Variants in MAD1L1 observed in about 807,000 individuals in gnomAD.
The protein encoded by MAD1L1 is mitotic arrest deficient 1 like 1, also known as mitotic spindle assembly checkpoint protein MAD1.
MAD1L1 carries 95 observed loss-of-function variants against 96.9 expected under a neutral mutation model. The observed-to-expected ratio is 0.98, with a 90% CI of 0.83 to 1.16. The LOEUF (loss-of-function observed/expected upper bound fraction) is 1.16. Ranked by LOEUF, MAD1L1 falls within the 50% of genes most tolerant of loss-of-function variation. MAD1L1 has a pLI of 0.00. For missense variants in MAD1L1, 1,007 were observed against 954.4 expected (o/e 1.06, Z -0.73); for synonymous variants, 473 against 396.6 (o/e 1.19, Z -2.29).
intron 10 of MAD1L1, among the ~76,000 whole-genome samples, chr7:2,195,103 G>T (rs1469793104): frequency 6.7e-6 from 1 of 148,346 alleles, no homozygotes; most frequent in East Asian, 2.0e-4. Context: ...AAAAAAAAAA[G>T]TATTTGAATC....
intron 15 of MAD1L1, among the ~76,000 whole-genome samples, chr7:1,963,708 T>C (rs1470076925): frequency 2.0e-5 from 3 of 152,172 alleles, no homozygotes; most frequent in Admixed American, 6.5e-5. Flanking sequence ...GTCTCTGTCA[T>C]CCCAGCAGAC....
At chr7:1,868,091 G>A (rs529931002) in intron 18 of MAD1L1, among the ~76,000 whole-genome samples, 22 of 152,202 alleles carry the variant, frequency 1.4e-4, no homozygotes, top group Middle Eastern at 3.4e-3. Flanking sequence ...TGCCGTGCCC[G>A]CTCAGAGTGG....
At chr7:1,895,783 C>T (rs1786827351) in intron 18 of MAD1L1, among the ~76,000 whole-genome samples, 1 of 152,256 alleles carries the variant, frequency 6.6e-6, no homozygotes, top group South Asian at 2.1e-4. Flanking sequence ...TGACCCAGCA[C>T]ATCCAGCCCT....
intron 18 of MAD1L1, among the ~76,000 whole-genome samples, chr7:1,822,442 A>ATATATATATATATATATATATATATATT (rs768089526): frequency 1.4e-5 from 2 of 140,588 alleles, no homozygotes; most frequent in African/African-American, 5.2e-5. Context: ...ATATATATAT[A>ATATATATATATATATATATATATATATT]TTTTTTTTTT....
chr7:1,844,640 C>G (rs1783488001), intron 18 of MAD1L1, among the ~76,000 whole-genome samples: 1 of 151,984 alleles, frequency 6.6e-6, no homozygotes, highest in Non-Finnish European at 1.5e-5. Context: ...GACCATCCCC[C>G]CAAAGCTGGG....
intron 13 of MAD1L1, among the ~76,000 whole-genome samples, chr7:2,009,590 C>T (rs1782198372): frequency 6.6e-6 from 1 of 152,208 alleles, no homozygotes; most frequent in Non-Finnish European, 1.5e-5. Flanking sequence ...AGGCTGTACA[C>T]AGAAGCTCTC....
chr7:1,978,864 C>G (rs1178934293), intron 15 of MAD1L1, among the ~76,000 whole-genome samples: 1 of 152,232 alleles, frequency 6.6e-6, no homozygotes, highest in African/African-American at 2.4e-5. Flanking sequence ...ACGGCACACA[C>G]TCAGTATCTG....
intron 10 of MAD1L1, among the ~76,000 whole-genome samples, chr7:2,195,310 G>C (rs1791930307): frequency 6.6e-6 from 1 of 152,176 alleles, no homozygotes; most frequent in South Asian, 2.1e-4. Flanking sequence ...AATAAAAAGT[G>C]AGCTTTGATT....
intron 10 of MAD1L1, among the ~76,000 whole-genome samples, chr7:2,181,152 T>C (rs944507508): frequency 2.0e-5 from 3 of 152,270 alleles, no homozygotes; most frequent in African/African-American, 7.2e-5. Flanking sequence ...AGTTTCTTTT[T>C]ATTGATATTC....
intron 18 of MAD1L1, among the ~76,000 whole-genome samples, chr7:1,859,256 C>T (rs1784405196): frequency 6.6e-6 from 1 of 152,212 alleles, no homozygotes; most frequent in African/African-American, 2.4e-5. Context: ...GGGTGCGCAG[C>T]AGCTGTGATG....
intron 11 of MAD1L1, among the ~76,000 whole-genome samples, chr7:2,148,799 C>T (rs568187089): frequency 6.7e-4 from 102 of 152,242 alleles, no homozygotes; most frequent in African/African-American, 2.4e-3. Flanking sequence ...CGCTAGTGAC[C>T]GACGGGCTGG....
intron 18 of MAD1L1, among the ~76,000 whole-genome samples, chr7:1,875,786 T>C (rs2128660221): frequency 6.6e-6 from 1 of 152,362 alleles, no homozygotes; most frequent in East Asian, 1.9e-4. Flanking sequence ...GGCTGAACTG[T>C]GTCCCCCAAA....
chr7:1,836,459 G>A (rs987858592), intron 18 of MAD1L1, among the ~76,000 whole-genome samples: 5 of 152,138 alleles, frequency 3.3e-5, no homozygotes, highest in Admixed American at 6.5e-5. Context: ...GACTACGAAC[G>A]CCTAACCTTC....
At chr7:1,907,517 G>T (rs1250102470) in intron 17 of MAD1L1, among the ~76,000 whole-genome samples, 2 of 152,276 alleles carry the variant, frequency 1.3e-5, no homozygotes, top group Non-Finnish European at 1.5e-5. Context: ...GCCAAGCCAG[G>T]AGGACAATCC....
At chr7:2,148,849 CAAG>C (rs1296884988) in intron 11 of MAD1L1, among the ~76,000 whole-genome samples, 2 of 152,192 alleles carry the variant, frequency 1.3e-5, no homozygotes, top group Non-Finnish European at 2.9e-5. Flanking sequence ...GCTGGGAAGA[CAAG>C]AACCCTCCTG....
intron 17 of MAD1L1, among the ~76,000 whole-genome samples, chr7:1,930,620 G>A (rs982894344): frequency 2.1e-4 from 30 of 141,496 alleles, no homozygotes; most frequent in Non-Finnish European, 3.2e-4. Flanking sequence ...CCCTTGCTTC[G>A]TCCCACCGTC....
chr7:2,128,418 G>T (rs1267996567), intron 11 of MAD1L1, among the ~76,000 whole-genome samples: 1 of 152,102 alleles, frequency 6.6e-6, no homozygotes, highest in Non-Finnish European at 1.5e-5. Context: ...CAGAGTTCAT[G>T]AAACACTCGC....
chr7:2,123,500 G>A (rs906736416), intron 11 of MAD1L1, among the ~76,000 whole-genome samples: 11 of 152,198 alleles, frequency 7.2e-5, no homozygotes, highest in African/African-American at 2.2e-4. Context: ...CTCTGTTTGC[G>A]CTTGAGCTGG....
chr7:1,943,168 T>C (rs1313392949), intron 16 of MAD1L1, among the ~76,000 whole-genome samples: 1 of 152,114 alleles, frequency 6.6e-6, no homozygotes, highest in Non-Finnish European at 1.5e-5. Flanking sequence ...GTAAAACCTG[T>C]GGAAGAAAAC....
Sources: allele counts gnomAD v4.1 joint callset (sites outside exome capture counted in the v4.1 genomes callset), GRCh38; gene constraint gnomAD v4.1.1; transcripts MANE v1.5; gene names NCBI Gene and HGNC (gene_info 2026-07-23, HGNC 2026-07-21).